Variants in BBS9 observed in about 807,000 individuals in gnomAD.
BBS9 encodes the protein protein PTHB1.
In BBS9, 89 loss-of-function variants were observed where a neutral mutation model predicts 117.7. That is an observed-to-expected ratio of 0.76 (90% CI 0.64 to 0.90). BBS9 has a LOEUF of 0.90. Ranked by LOEUF, BBS9 falls within the 40% of genes least tolerant of loss-of-function variation. The pLI, the probability that BBS9 is intolerant of heterozygous loss-of-function variation, is 0.00. For synonymous variants in BBS9, 379 were observed against 370.9 expected (o/e 1.02, Z -0.25); for missense variants, 982 against 1,042.2 (o/e 0.94, Z 0.80).
At chr7:33,559,367 C>T (rs1248033194) in intron 21 of BBS9, among the ~76,000 whole-genome samples, 1 of 152,018 alleles carries the variant, frequency 6.6e-6, no homozygotes, top group Non-Finnish European at 1.5e-5. Flanking sequence ...ATACAAGCTG[C>T]TCTTTAAGAA....
intron 9 of BBS9, among the ~76,000 whole-genome samples, chr7:33,305,535 C>T (rs1400933358): frequency 1.3e-5 from 2 of 152,198 alleles, no homozygotes; most frequent in East Asian, 3.9e-4. Context: ...GTCATCGTGT[C>T]CCAGGCATTT....
intron 19 of BBS9, among the ~76,000 whole-genome samples, chr7:33,392,306 T>G (rs899651240): frequency 6.6e-6 from 1 of 152,242 alleles, no homozygotes; most frequent in Non-Finnish European, 1.5e-5. Flanking sequence ...CTGATCTTGA[T>G]TGGGCTCACT....
intron 19 of BBS9, among the ~76,000 whole-genome samples, chr7:33,470,089 C>T (rs2058342): frequency 0.78 from 118,343 of 152,098 alleles, 46,871 homozygotes; most frequent in African/African-American, 0.93. Flanking sequence ...CCATGTCTTG[C>T]TCATCTTTGG....
chr7:33,169,080 G>A (rs1256754544), intron 4 of BBS9, among the ~76,000 whole-genome samples: 1 of 151,910 alleles, frequency 6.6e-6, no homozygotes, highest in Non-Finnish European at 1.5e-5. Flanking sequence ...TTGTCCTTGC[G>A]ATAGTTTACT....
intron 5 of BBS9, among the ~76,000 whole-genome samples, chr7:33,226,111 G>A (rs986893223): frequency 3.3e-5 from 5 of 152,170 alleles, no homozygotes; most frequent in Non-Finnish European, 7.4e-5. Flanking sequence ...TATAGAGGGG[G>A]AACCTATAGA....
At chr7:33,250,756 A>T (rs951184402) in intron 5 of BBS9, among the ~76,000 whole-genome samples, 2 of 152,232 alleles carry the variant, frequency 1.3e-5, no homozygotes, top group African/African-American at 4.8e-5. Context: ...TCTGAGGTAC[A>T]GATGAATAAA....
chr7:33,177,472 C>A lies in BBS9; in HGVS notation c.329-6C>A. 6.8e-6 allele frequency: 10 copies of A among 1,463,228 alleles called. No individual in the cohort carries two copies. The highest frequency in any genetic ancestry group is 8.4e-6 in the Non-Finnish European group (9 of 1,074,902). The allele number at this position is 1,463,228 out of a possible 1,614,324, so 90.6% of individuals were successfully genotyped here. A position where few individuals can be genotyped will look rare whatever the true frequency, so the allele number is the denominator to read the frequency against. ...TACAAAGTAATCCTTTTTTTTTTTT[C>A]CTTAGGAACCTTGGGTAATGTGGAA... is the stretch of plus-strand genomic sequence containing the variant. On this transcript the variant is annotated splice_region_variant and splice_polypyrimidine_tract_variant and intron_variant, in intron 4 of 22. Transcript: ENST00000242067.
chr7:33,359,751 A>G (rs1157864940), intron 16 of BBS9, among the ~76,000 whole-genome samples: 3 of 152,104 alleles, frequency 2.0e-5, no homozygotes, highest in African/African-American at 7.2e-5. Flanking sequence ...TTTATAGAGA[A>G]GAAATAAAAC....
chr7:33,282,269 T>A (rs919277212), intron 9 of BBS9, among the ~76,000 whole-genome samples: 1 of 152,212 alleles, frequency 6.6e-6, no homozygotes, highest in Non-Finnish European at 1.5e-5. Context: ...TCAAATAGAA[T>A]GAACATTTGT....
chr7:33,330,172 C>G (rs1030827813), intron 9 of BBS9, among the ~76,000 whole-genome samples: 14 of 152,014 alleles, frequency 9.2e-5, no homozygotes, highest in Non-Finnish European at 1.9e-4. Context: ...TGCCACCACA[C>G]CCGGCTAAAT....
chr7:33,629,601 G>A (rs567916875), intron 21 of BBS9, among the ~76,000 whole-genome samples: 60 of 152,242 alleles, frequency 3.9e-4, no homozygotes, highest in African/African-American at 1.2e-3. Context: ...TGTATAACTC[G>A]TTTGGTATGA....
At chr7:33,631,433 C>T (rs1865886043) in intron 21 of BBS9, among the ~76,000 whole-genome samples, 1 of 152,198 alleles carries the variant, frequency 6.6e-6, no homozygotes, top group Non-Finnish European at 1.5e-5. Flanking sequence ...GATGAAATGT[C>T]CCCACTCTGG....
intron 21 of BBS9, among the ~76,000 whole-genome samples, chr7:33,629,679 G>A (rs956280764): frequency 2.6e-5 from 4 of 152,134 alleles, no homozygotes; most frequent in African/African-American, 7.2e-5. Flanking sequence ...ATTTTAAAAC[G>A]TTAGTCACTG....
intron 19 of BBS9, among the ~76,000 whole-genome samples, chr7:33,476,719 A>G (rs1319601882): frequency 6.6e-6 from 1 of 152,152 alleles, no homozygotes; most frequent in Non-Finnish European, 1.5e-5. Flanking sequence ...TACATACTCA[A>G]AATGGTTTGT....
intron 7 of BBS9, among the ~76,000 whole-genome samples, chr7:33,265,043 G>A (rs1312115571): frequency 3.9e-5 from 6 of 152,162 alleles, no homozygotes; most frequent in Non-Finnish European, 7.4e-5. Context: ...TCCATTTATT[G>A]TAAATTGGGG....
chr7:33,410,798 A>T (rs1250001529), intron 19 of BBS9, among the ~76,000 whole-genome samples: 1 of 152,160 alleles, frequency 6.6e-6, no homozygotes, highest in Non-Finnish European at 1.5e-5. Flanking sequence ...GCCTAAAAAC[A>T]TGTTGAGGTT....
intron 20 of BBS9, among the ~76,000 whole-genome samples, chr7:33,514,462 A>G (rs1000416099): frequency 6.6e-6 from 1 of 152,160 alleles, no homozygotes; most frequent in Non-Finnish European, 1.5e-5. Flanking sequence ...GGAAATGGCC[A>G]TTTCTGAGGT....
At chr7:33,384,001 A>C (rs1825565603) in intron 18 of BBS9, among the ~76,000 whole-genome samples, 163 bp downstream of exon 18, 1 of 152,158 alleles carries the variant, frequency 6.6e-6, no homozygotes, top group Non-Finnish European at 1.5e-5. Flanking sequence ...CCACTTGCCC[A>C]GTTTGTGATC....
At chr7:33,434,360 A>G (rs1834985129) in intron 19 of BBS9, among the ~76,000 whole-genome samples, 1 of 151,980 alleles carries the variant, frequency 6.6e-6, no homozygotes, top group African/African-American at 2.4e-5. Flanking sequence ...CTTTTTAGTA[A>G]TATATTCATT....
Sources: allele counts gnomAD v4.1 joint callset (sites outside exome capture counted in the v4.1 genomes callset), GRCh38; gene constraint gnomAD v4.1.1; transcripts MANE v1.5; gene names NCBI Gene and HGNC (gene_info 2026-07-23, HGNC 2026-07-21).